LRRC3C: variants seen among roughly 807,000 people sequenced by gnomAD.
The protein encoded by LRRC3C is leucine-rich repeat-containing protein 3C.
LRRC3C carries 11 observed loss-of-function variants against 14.8 expected under a neutral mutation model. The ratio of observed to expected loss-of-function variants is 0.74; its 90% CI spans 0.47 to 1.23. LRRC3C has a LOEUF of 1.23. Among genes scored for constraint, LRRC3C ranks in the 50% most tolerant of loss-of-function variants. The pLI is 0.00. For synonymous variants in LRRC3C, 149 were observed against 161.5 expected (o/e 0.92, Z 0.59); for missense variants, 354 against 361.8 (o/e 0.98, Z 0.18).
chr17:39,940,341 C>T (rs927143140), intron 2 of LRRC3C, among the ~76,000 whole-genome samples: 1 of 152,220 alleles, frequency 6.6e-6, no homozygotes, highest in Non-Finnish European at 1.5e-5. Flanking sequence ...CCCACAAGAC[C>T]TCATGCCCTG....
intron 2 of LRRC3C, among the ~76,000 whole-genome samples, chr17:39,936,142 T>A (rs1254377651): frequency 6.6e-6 from 1 of 152,230 alleles, no homozygotes; most frequent in Admixed American, 6.5e-5. Flanking sequence ...CTCACTTTCC[T>A]GAGCCCTGAA....
chr17:39,939,240 A>T (rs1481630585), intron 2 of LRRC3C: 1 of 451,604 alleles, frequency 2.2e-6, no homozygotes, highest in African/African-American at 2.1e-5. Flanking sequence ...GACTGAGTGC[A>T]TTGCCACTCC....
intron 2 of LRRC3C, chr17:39,939,547 A>C: frequency 2.8e-6 from 1 of 351,990 alleles, no homozygotes; most frequent in Non-Finnish European, 4.0e-6. Context: ...AATCTGTAAA[A>C]GCTCCCCAAG....
chr17:39,937,257 G>A (rs1471986105), intron 2 of LRRC3C, among the ~76,000 whole-genome samples: 1 of 152,016 alleles, frequency 6.6e-6, no homozygotes, highest in Non-Finnish European at 1.5e-5. Flanking sequence ...TCAACATGGT[G>A]AAACCCCGTA....
At chr17:39,928,806 CT>C (rs1978563187) in intron 1 of LRRC3C, among the ~76,000 whole-genome samples, 1 of 152,232 alleles carries the variant, frequency 6.6e-6, no homozygotes, top group Admixed American at 6.5e-5. Context: ...CTACACCTAC[CT>C]TTCCTTCCCC....
chr17:39,944,921 C>T lies in LRRC3C; in HGVS notation c.*187C>T, dbSNP rs908604950. Reference sequence around the variant, plus strand: ...TCTCTCTCTGTGTCGTCTTAACCAACACCATCTTTGGTGCCTGGAGTTTTT... The same window carrying T: ...TCTCTCTCTGTGTCGTCTTAACCAATACCATCTTTGGTGCCTGGAGTTTTT... On this transcript the variant is annotated 3_prime_UTR_variant, in exon 4 of 4. Transcript: ENST00000377924. 6.6e-6 allele frequency among the ~76,000 whole-genome samples: 1 copy of T among 151,250 alleles called. No individual in the cohort carries two copies. Among genetic ancestry groups the T allele is most frequent in the Admixed American group, 6.6e-5 (1 of 15,216 alleles).
chr17:39,928,854 G>T (rs1291783430), intron 1 of LRRC3C, among the ~76,000 whole-genome samples: 2 of 152,236 alleles, frequency 1.3e-5, no homozygotes, highest in African/African-American at 4.8e-5. Flanking sequence ...CACAGCTGGA[G>T]TGGGACCCCC....
In LRRC3C at chr17:39,935,865, G is replaced by T. The variant is rs1978782276; in HGVS notation, c.-111G>T. ...GAAACTGCCCAGTAACCTGGCATTA[G>T]ACGGGTCCCTGGCTGACCTGATAAA... is the stretch of plus-strand genomic sequence containing the variant. On this transcript the variant is annotated 5_prime_UTR_variant, in exon 2 of 4. Coordinates refer to ENST00000377924, the MANE Select transcript of LRRC3C (RefSeq NM_001195545.2). 9 of 985,458 alleles carry T rather than the reference G, an allele frequency of 9.1e-6. No individual in the cohort carries two copies. The highest frequency in any genetic ancestry group is 1.1e-5 in the Non-Finnish European group (9 of 829,944). 61.0% of individuals were successfully genotyped at this position (985,458 alleles called of 1,614,324 possible). A position where few individuals can be genotyped will look rare whatever the true frequency, so the allele number is the denominator to read the frequency against.
chr17:39,940,669 C>CA (rs1467800429), intron 2 of LRRC3C, among the ~76,000 whole-genome samples: 1 of 151,682 alleles, frequency 6.6e-6, no homozygotes, highest in East Asian at 1.9e-4. Context: ...AGGCCAGTCT[C>CA]AAACTCATGA....
At chr17:39,940,446 T>C (rs978157018) in intron 2 of LRRC3C, among the ~76,000 whole-genome samples, 2 of 152,160 alleles carry the variant, frequency 1.3e-5, no homozygotes, top group Non-Finnish European at 2.9e-5. Context: ...AGAGTCGCAC[T>C]CTGTCACCCA....
intron 1 of LRRC3C, among the ~76,000 whole-genome samples, chr17:39,933,703 A>T (rs1343578842): frequency 6.6e-6 from 1 of 152,166 alleles, no homozygotes; most frequent in East Asian, 1.9e-4. Context: ...ACAGCACTCC[A>T]GCCTGGGCGA....
chr17:39,944,797 T>C lies in LRRC3C; in HGVS notation c.*63T>C, dbSNP rs1253566973. 3 of 1,443,832 alleles carry C rather than the reference T, an allele frequency of 2.1e-6. No homozygotes were observed. In the African/African-American group the frequency reaches 4.2e-5, roughly 20 times the overall value. 89.4% of individuals were successfully genotyped at this position (1,443,832 alleles called of 1,614,324 possible). A position where few individuals can be genotyped will look rare whatever the true frequency, so the allele number is the denominator to read the frequency against. ...TGCCCCTATGCCCTCTCCTTTGCTC[T>C]GACCCCCTCTGCCTCCTGTGCAGCT... On this transcript the variant is annotated 3_prime_UTR_variant, in exon 4 of 4. Coordinates refer to ENST00000377924, the MANE Select transcript of LRRC3C (RefSeq NM_001195545.2).
chr17:39,942,535 C>T (rs1405484591), intron 3 of LRRC3C, among the ~76,000 whole-genome samples: 1 of 152,048 alleles, frequency 6.6e-6, no homozygotes, highest in Non-Finnish European at 1.5e-5. Context: ...AGCAGGAAAA[C>T]TCAGAGATGA....
Position 39,944,359 on chromosome 17 carries a change from A to C in LRRC3C, c.453A>C (p.Leu151=). ...ASVPVEAFVG[L]QIQVNLSANP... ...TGCCCGTGGAGGCCTTTGTGGGGCT[A>C]CAGATCCAAGTGAACCTATCCGCAA... Residue 151 remains leucine (L), a synonymous_variant, in exon 4 of 4, where the codon CTA becomes CTC. Coordinates refer to ENST00000377924, the MANE Select transcript of LRRC3C (RefSeq NM_001195545.2). 1.3e-6 allele frequency: 2 copies of C among 1,534,056 alleles called. No homozygotes were observed. Among genetic ancestry groups the C allele is most frequent in the Non-Finnish European group, 1.7e-6 (2 of 1,146,088 alleles).
intron 3 of LRRC3C, among the ~76,000 whole-genome samples, chr17:39,943,025 A>G (rs1172148016): frequency 6.6e-6 from 1 of 152,146 alleles, no homozygotes; most frequent in African/African-American, 2.4e-5. Context: ...GGTGCAGGGA[A>G]TGGAATTGGG....
rs1568120926 is a variant in LRRC3C at position 39,944,650 on chromosome 17, A to G, written c.744A>G (p.Arg248=). Reference sequence around the variant, plus strand: ...TGGTGCATTATGTGTGGCAGAACCGAGATGAGACCAGGCGCTCCCTCAAGC... The same window carrying G: ...TGGTGCATTATGTGTGGCAGAACCGGGATGAGACCAGGCGCTCCCTCAAGC... ...AYLVHYVWQN[R]DETRRSLKRA... Residue 248 remains arginine (R), a synonymous_variant, in exon 4 of 4, where the codon CGA becomes CGG. Transcript: ENST00000377924. 1.3e-6 allele frequency: 2 copies of G among 1,535,882 alleles called. No individual in the cohort carries two copies. Among genetic ancestry groups the G allele is most frequent in the Non-Finnish European group, 8.7e-7 (1 of 1,146,848 alleles).
intron 2 of LRRC3C, among the ~76,000 whole-genome samples, chr17:39,940,727 G>A (rs1978915727): frequency 6.6e-6 from 1 of 151,932 alleles, no homozygotes; most frequent in East Asian, 1.9e-4. Flanking sequence ...ATAGGCATGA[G>A]CCACTGCACC....
intron 1 of LRRC3C, among the ~76,000 whole-genome samples, chr17:39,934,402 C>T (rs1405951469): frequency 1.3e-5 from 2 of 152,186 alleles, no homozygotes; most frequent in East Asian, 1.9e-4. Context: ...TACTCCTAGC[C>T]TCACCTGTCT....
Position 39,935,075 on chromosome 17 carries a change from G to C in LRRC3C, c.-174-727G>C, listed in dbSNP as rs181541314. Among the ~76,000 whole-genome samples the C allele has an allele frequency of 1.3e-3, 193 of 152,068 alleles. 1 individual carries two copies. The highest frequency in any genetic ancestry group is 4.4e-3 in the African/African-American group (181 of 41,458). ...GTCTTTATGACCTGTATTTTATGCC[G>C]ACCTCCTATCTCATCCTGTGACTTA... On this transcript the variant is annotated intron_variant, in intron 1 of 3. Transcript: ENST00000377924.
Sources: allele counts gnomAD v4.1 joint callset (sites outside exome capture counted in the v4.1 genomes callset), GRCh38; gene constraint gnomAD v4.1.1; transcripts MANE v1.5; gene names NCBI Gene and HGNC (gene_info 2026-07-23, HGNC 2026-07-21).